Variants in STK35 observed in about 807,000 individuals in gnomAD.
The protein encoded by STK35 is serine/threonine kinase 35.
STK35 carries 17 observed loss-of-function variants against 37.3 expected under a neutral mutation model. The observed-to-expected ratio is 0.46, with a 90% CI of 0.31 to 0.68. The LOEUF is 0.68. Among genes scored for constraint, STK35 ranks in the 30% least tolerant of loss-of-function variants. The pLI is 0.05. For missense variants in STK35, 595 were observed against 746.7 expected (o/e 0.80, Z 2.37); for synonymous variants, 385 against 319.1 (o/e 1.21, Z -2.20).
intron 3 of STK35, among the ~76,000 whole-genome samples, chr20:2,128,799 G>GC (rs2122570846): frequency 6.6e-6 from 1 of 152,208 alleles, no homozygotes; most frequent in East Asian, 1.9e-4. Flanking sequence ...AAACAGGGAA[G>GC]CCCCCCGAGG....
At chr20:2,136,923 G>A (rs571028272) in intron 3 of STK35, among the ~76,000 whole-genome samples, 4 of 152,334 alleles carry the variant, frequency 2.6e-5, no homozygotes, top group East Asian at 3.9e-4. Context: ...TGGGGAAGGC[G>A]TGTGGATGGG....
intron 3 of STK35, among the ~76,000 whole-genome samples, chr20:2,128,699 G>A (rs889107346): frequency 2.0e-5 from 3 of 152,176 alleles, no homozygotes; most frequent in African/African-American, 7.2e-5. Context: ...GGGGAGTGCT[G>A]TCAGGGCAAC....
intron 3 of STK35, among the ~76,000 whole-genome samples, chr20:2,121,881 T>A (rs996091396): frequency 6.6e-6 from 1 of 151,686 alleles, no homozygotes; most frequent in Admixed American, 6.6e-5. Context: ...GTAACTAGAG[T>A]GGATTTGAGA....
chr20:2,128,817 G>A (rs1985949991), intron 3 of STK35, among the ~76,000 whole-genome samples: 1 of 152,106 alleles, frequency 6.6e-6, no homozygotes, highest in African/African-American at 2.4e-5. Context: ...AGGTACAGGT[G>A]GAACTTAGGT....
intron 3 of STK35, among the ~76,000 whole-genome samples, chr20:2,141,829 C>A (rs1285872215): frequency 6.6e-6 from 1 of 152,246 alleles, no homozygotes. Flanking sequence ...GCAATGATCT[C>A]ATTTCCTCTG....
intron 3 of STK35, among the ~76,000 whole-genome samples, chr20:2,119,851 G>T (rs7273205): frequency 0.31 from 47,400 of 152,064 alleles, 7,973 homozygotes; most frequent in Non-Finnish European, 0.39. Flanking sequence ...TCTAGGTGGG[G>T]TTGGCTCATT....
At chr20:2,110,693 G>C (rs1039538521) in intron 2 of STK35, among the ~76,000 whole-genome samples, 2 of 152,194 alleles carry the variant, frequency 1.3e-5, no homozygotes, top group African/African-American at 4.8e-5. Context: ...CTGAATTGCT[G>C]AAGTGTGCGT....
chr20:2,116,880 A>T lies in STK35; in HGVS notation c.1107A>T (p.Thr369=). Residue 369 remains threonine (T), a synonymous_variant, in exon 3 of 4, where the codon ACA becomes ACT. Transcript: ENST00000381482. The part of the protein sequence containing the change: ...RDLKPDNILI[T]ERSGTPILKV... ...TGAAGCCAGACAACATCCTCATCAC[A>T]GAGCGGTCTGGCACCCCCATCCTCA... 1 of 1,614,206 alleles carries T rather than the reference A, an allele frequency of 6.2e-7. No individual in the cohort carries two copies. Among genetic ancestry groups the T allele is most frequent in the Non-Finnish European group, 8.5e-7 (1 of 1,180,036 alleles).
chr20:2,143,996 C>T lies in STK35; in HGVS notation c.*250C>T, dbSNP rs1269495505. On this transcript the variant is annotated 3_prime_UTR_variant, in exon 4 of 4. Coordinates refer to ENST00000381482, the MANE Select transcript of STK35 (RefSeq NM_080836.4). ...CCTCTTTCCTTTTTTTAAATTTAAA[C>T]CATTGAGACTTCAGAAGAGCAGGAC... The T allele has an allele frequency of 2.5e-5, 10 of 400,360 alleles. No homozygotes were observed. The highest frequency in any genetic ancestry group is 4.3e-5 in the Non-Finnish European group (9 of 210,012). 24.8% of individuals were successfully genotyped at this position (400,360 alleles called of 1,614,324 possible). A position where few individuals can be genotyped will look rare whatever the true frequency, so the allele number is the denominator to read the frequency against.
At chr20:2,131,807 C>T (rs908521817) in intron 3 of STK35, among the ~76,000 whole-genome samples, 1 of 152,108 alleles carries the variant, frequency 6.6e-6, no homozygotes, top group Non-Finnish European at 1.5e-5. Context: ...CAGCCTCGAC[C>T]TTCTGGGCTC....
chr20:2,103,512 C>T, intron 2 of STK35, 147 bp downstream of exon 2: 4 of 746,050 alleles, frequency 5.4e-6, no homozygotes, highest in East Asian at 2.9e-5. Flanking sequence ...TTCCTGGGCC[C>T]AGGCATTCGG....
chr20:2,117,184 A>G lies in STK35; in HGVS notation c.1411A>G (p.Thr471Ala). Residue 471 changes from threonine to alanine, a missense_variant, in exon 3 of 4, where the codon ACT becomes GCT. Around this residue, in one of 3 missense-constraint regions of STK35, gnomAD observed 109 missense variants for 280.3 expected, o/e 0.39. Transcript: ENST00000381482. This position sits in a 1 kb window ranked among gnomAD's most constrained non-coding sequence, Gnocchi z 4.4. ...CCTGGGGACCTACATTAAACAGGGG[A>G]CTGAGATCGTCCCTGTTGGTGAGGC... ...ELLGTYIKQG[T>A]EIVPVGEALL... 1 of 1,614,110 alleles carries G rather than the reference A, an allele frequency of 6.2e-7. No individual in the cohort carries two copies. Among genetic ancestry groups the G allele is most frequent in the Admixed American group, 1.7e-5 (1 of 60,020 alleles).
chr20:2,104,678 C>T (rs1279784455), intron 2 of STK35, among the ~76,000 whole-genome samples: 2 of 152,084 alleles, frequency 1.3e-5, no homozygotes, highest in African/African-American at 2.4e-5. Flanking sequence ...TAAAGATCCC[C>T]CAAGTCTTTC....
At chr20:2,119,876 G>C (rs1489436934) in intron 3 of STK35, among the ~76,000 whole-genome samples, 1 of 152,136 alleles carries the variant, frequency 6.6e-6, no homozygotes, top group African/African-American at 2.4e-5. Context: ...GTTGAGCTTG[G>C]TTTCATGTGT....
intron 2 of STK35, among the ~76,000 whole-genome samples, chr20:2,115,900 C>A (rs969479390): frequency 6.6e-6 from 1 of 152,144 alleles, no homozygotes; most frequent in Non-Finnish European, 1.5e-5. Context: ...CTCCTGCCCC[C>A]CCCTTCACTG....
At chr20:2,102,710 C>T in intron 1 of STK35, 58 bp from the exon 2 acceptor site, 1 of 1,316,362 alleles carries the variant, frequency 7.6e-7, no homozygotes, top group Non-Finnish European at 9.7e-7. Flanking sequence ...GCCCCGCGGC[C>T]TACGCTCCTG....
intron 3 of STK35, among the ~76,000 whole-genome samples, chr20:2,132,769 C>G (rs1377408611): frequency 6.6e-6 from 1 of 152,208 alleles, no homozygotes; most frequent in Non-Finnish European, 1.5e-5. Flanking sequence ...TGCTGTTGAA[C>G]CTGTTGGACT....
At chr20:2,131,395 C>A (rs926641439) in intron 3 of STK35, among the ~76,000 whole-genome samples, 7 of 152,188 alleles carry the variant, frequency 4.6e-5, no homozygotes, top group African/African-American at 1.7e-4. Flanking sequence ...AGGAAGATCA[C>A]TTGAGCCCAG....
intron 3 of STK35, among the ~76,000 whole-genome samples, chr20:2,130,984 T>C (rs1985990104): frequency 6.6e-6 from 1 of 152,198 alleles, no homozygotes; most frequent in Non-Finnish European, 1.5e-5. Context: ...TTTATACAAA[T>C]TCAGCAAGTG....
Sources: gnomAD v4.1 joint callset for allele counts (sites outside exome capture counted in the v4.1 genomes callset) on GRCh38, gnomAD v4.1.1 for gene constraint, gnomAD v4.1.1 regional missense constraint, Gnocchi (gnomAD v3.1) non-coding constraint, MANE v1.5 for transcripts, NCBI Gene and HGNC (gene_info 2026-07-23, HGNC 2026-07-21) for gene names.